Variants in HACE1 observed in about 807,000 individuals in gnomAD.
HACE1 encodes the protein HECT domain and ankyrin repeat containing E3 ubiquitin protein ligase 1.
HACE1 carries 73 observed loss-of-function variants against 118.4 expected under a neutral mutation model. The ratio of observed to expected loss-of-function variants is 0.62; its 90% CI spans 0.51 to 0.75. HACE1 has a LOEUF of 0.75. HACE1 is among the 30% of genes least tolerant of loss of function. The pLI is 0.00. For missense variants in HACE1, 749 were observed against 1,102.2 expected (o/e 0.68, Z 4.54); for synonymous variants, 368 against 374.8 (o/e 0.98, Z 0.21).
chr6:104,730,835 T>G (rs970121858), intron 22 of HACE1: 8 of 168,562 alleles, frequency 4.7e-5, no homozygotes. Context: ...TAGATTAATA[T>G]TCGATTGACT....
chr6:104,805,182 G>A (rs562230577), intron 7 of HACE1, among the ~76,000 whole-genome samples: 38 of 152,186 alleles, frequency 2.5e-4, no homozygotes, highest in Admixed American at 5.2e-4. Flanking sequence ...TTAGAATGGC[G>A]ATCATTAAGA....
intron 1 of HACE1, among the ~76,000 whole-genome samples, chr6:104,855,347 G>A (rs1041105903): frequency 3.7e-4 from 56 of 152,186 alleles, no homozygotes; most frequent in Admixed American, 3.7e-3. Flanking sequence ...GGAGGTCGAG[G>A]TAGGAGAATG....
intron 7 of HACE1, among the ~76,000 whole-genome samples, chr6:104,798,392 G>A (rs1373544656): frequency 1.3e-5 from 2 of 151,934 alleles, no homozygotes; most frequent in East Asian, 1.9e-4. Flanking sequence ...TGGAATTAAA[G>A]TTTTTTTAAA....
chr6:104,750,614 C>T lies in HACE1; in HGVS notation c.2212-142G>A, dbSNP rs1302527519. 9.0e-6 allele frequency: 7 copies of T among 777,060 alleles called. No individual in the cohort carries two copies. In the Admixed American group the frequency reaches 1.3e-4, roughly 15 times the overall value. 48.1% of individuals were successfully genotyped at this position (777,060 alleles called of 1,614,324 possible). Reference sequence around the variant, plus strand: ...CATACATCTCAGCAAATCAGCAAGCCACTATTCACTAAGCTGTTGAGGAAA... The same window carrying T: ...CATACATCTCAGCAAATCAGCAAGCTACTATTCACTAAGCTGTTGAGGAAA... On this transcript the variant is annotated intron_variant, in intron 19 of 23. Coordinates refer to ENST00000262903, the MANE Select transcript of HACE1 (RefSeq NM_020771.4).
intron 19 of HACE1, 129 bp from the exon 20 acceptor site, chr6:104,750,601 C>G: frequency 1.2e-6 from 1 of 846,972 alleles, no homozygotes; most frequent in Non-Finnish European, 1.8e-6. Flanking sequence ...TACATCTCAG[C>G]AAATCAGCAA....
chr6:104,746,204 C>T (rs1046444261), intron 20 of HACE1, among the ~76,000 whole-genome samples: 1 of 152,112 alleles, frequency 6.6e-6, no homozygotes, highest in South Asian at 2.1e-4. Context: ...AAGTAAATAT[C>T]CATTGACATA....
intron 5 of HACE1, among the ~76,000 whole-genome samples, chr6:104,841,364 T>C (rs1775104542): frequency 6.6e-6 from 1 of 152,210 alleles, no homozygotes; most frequent in Non-Finnish European, 1.5e-5. Flanking sequence ...AAACAGATTA[T>C]ATTAACATTC....
At chr6:104,821,321 C>A (rs545810960) in intron 6 of HACE1, among the ~76,000 whole-genome samples, 1 of 151,908 alleles carries the variant, frequency 6.6e-6, no homozygotes, top group Non-Finnish European at 1.5e-5. Context: ...TGTATTTGTA[C>A]CCCTGAACTC....
chr6:104,801,761 A>G (rs1770381584), intron 7 of HACE1, among the ~76,000 whole-genome samples: 2 of 152,224 alleles, frequency 1.3e-5, no homozygotes, highest in Admixed American at 1.3e-4. Context: ...AAAACATGCC[A>G]AATTGTGAAG....
chr6:104,829,704 T>C (rs1285051715), intron 6 of HACE1, among the ~76,000 whole-genome samples: 2 of 152,126 alleles, frequency 1.3e-5, no homozygotes, highest in African/African-American at 2.4e-5. Context: ...GGCCATTACA[T>C]AATCAACCAC....
intron 5 of HACE1, among the ~76,000 whole-genome samples, chr6:104,840,654 C>A (rs1775014891): frequency 6.6e-6 from 1 of 151,808 alleles, no homozygotes; most frequent in South Asian, 2.1e-4. Context: ...CCTGGTAAAA[C>A]CCCGTCTCTA....
At chr6:104,734,598 G>T (rs893807322) in intron 22 of HACE1, among the ~76,000 whole-genome samples, 10 of 151,884 alleles carry the variant, frequency 6.6e-5, no homozygotes, top group African/African-American at 1.9e-4. Context: ...TCAATCCAAG[G>T]GTGAAGCTAG....
intron 23 of HACE1, among the ~76,000 whole-genome samples, 199 bp from the exon 24 acceptor site, chr6:104,729,963 G>A (rs1775027163): frequency 6.6e-6 from 1 of 152,152 alleles, no homozygotes; most frequent in African/African-American, 2.4e-5. Context: ...TGCAAATGCA[G>A]TGGAAGAAAA....
At chr6:104,742,504 C>T (rs917272415) in intron 22 of HACE1, among the ~76,000 whole-genome samples, 4 of 152,154 alleles carry the variant, frequency 2.6e-5, no homozygotes, top group African/African-American at 7.2e-5. Flanking sequence ...GGGCAAAGGA[C>T]AGGAACAGAC....
chr6:104,797,310 C>CA (rs1769763006), intron 7 of HACE1, among the ~76,000 whole-genome samples: 1 of 144,032 alleles, frequency 6.9e-6, no homozygotes, highest in African/African-American at 2.5e-5. Context: ...CAGGCTTCTG[C>CA]TTTTTTTTTT....
rs1158198100 is a variant in HACE1, at chr6:104,777,025, T to C, written c.1764A>G (p.Gly588=). The C allele has an allele frequency of 6.2e-7, 1 of 1,607,600 alleles. No individual in the cohort carries two copies. The highest frequency in any genetic ancestry group is 1.7e-5 in the Admixed American group (1 of 60,006). The change falls in exon 16 of 24, where the codon GGA becomes GGG. Residue 588 remains glycine, a synonymous_variant. Coordinates refer to ENST00000262903, the MANE Select transcript of HACE1 (RefSeq NM_020771.4). ...CTTTTATACCCACCATGCCTTCTTC[T>C]CCATGGAACCGTACAGCAATCCCTT... ...LKQGIAVRFH[G]EEGMGQGVVR...
At chr6:104,852,195 C>CTGTGTGTGTGTGTG in intron 2 of HACE1, 122 bp downstream of exon 2, 1 of 552,984 alleles carries the variant, frequency 1.8e-6, no homozygotes, top group Non-Finnish European at 3.3e-6. Context: ...TATGTCCAAA[C>CTGTGTGTGTGTGTG]TGTCTGTGTG....
chr6:104,841,227 A>G (rs1365856832), intron 5 of HACE1, among the ~76,000 whole-genome samples: 1 of 152,110 alleles, frequency 6.6e-6, no homozygotes, highest in Non-Finnish European at 1.5e-5. Flanking sequence ...AGAATATTTG[A>G]TTCTTTAAAT....
chr6:104,735,049 T>C (rs1238347004), intron 22 of HACE1, among the ~76,000 whole-genome samples: 1 of 151,948 alleles, frequency 6.6e-6, no homozygotes, highest in African/African-American at 2.4e-5. Context: ...TATAAACATA[T>C]ATATAAAATC....
Sources: gnomAD v4.1 joint callset for allele counts (sites outside exome capture counted in the v4.1 genomes callset) on GRCh38, gnomAD v4.1.1 for gene constraint, MANE v1.5 for transcripts, NCBI Gene and HGNC (gene_info 2026-07-23, HGNC 2026-07-21) for gene names.